UACA: variants seen among roughly 807,000 people sequenced by gnomAD.
UACA encodes the protein uveal autoantigen with coiled-coil domains and ankyrin repeats.
A neutral mutation model predicts 160.5 loss-of-function variants in UACA; 112 were observed. The ratio of observed to expected loss-of-function variants is 0.70; its 90% CI spans 0.60 to 0.82. The LOEUF is 0.82. Among genes scored for constraint, UACA ranks in the 40% least tolerant of loss-of-function variants. UACA has a pLI of 0.00. For missense variants in UACA, 1,574 were observed against 1,614.6 expected (o/e 0.97, Z 0.43); for synonymous variants, 557 against 568.4 (o/e 0.98, Z 0.29).
At chr15:70,776,681 A>G in the UACA span, among the ~76,000 whole-genome samples, 1 of 152,082 alleles carries the variant, frequency 6.6e-6, no homozygotes, top group Non-Finnish European at 1.5e-5. Context: ...CACCTGCCTC[A>G]GCCTCTCAAA....
intron 10 of UACA, among the ~76,000 whole-genome samples, chr15:70,678,551 ACT>A (rs1897368757): frequency 6.6e-6 from 1 of 152,098 alleles, no homozygotes; most frequent in Admixed American, 6.5e-5. Context: ...AATTTATGAG[ACT>A]CTTCTAATCC....
intron 15 of UACA, among the ~76,000 whole-genome samples, chr15:70,669,719 T>C (rs1337932649): frequency 6.6e-6 from 1 of 152,170 alleles, no homozygotes; most frequent in Non-Finnish European, 1.5e-5. Flanking sequence ...CAACGGACAA[T>C]GGCCATGGCT....
intron 1 of UACA, among the ~76,000 whole-genome samples, chr15:70,715,023 C>A (rs2140982662): frequency 6.6e-6 from 1 of 152,198 alleles, no homozygotes; most frequent in Non-Finnish European, 1.5e-5. Flanking sequence ...AGCTTTCAGG[C>A]TGGATAAGAT....
chr15:70,719,704 G>A (rs1164068830), intron 1 of UACA, among the ~76,000 whole-genome samples: 1 of 152,078 alleles, frequency 6.6e-6, no homozygotes, highest in Non-Finnish European at 1.5e-5. Flanking sequence ...TGACCAAGAA[G>A]AGCATATCCT....
Position 70,667,131 on chromosome 15 carries a change from C to T in UACA, c.3553G>A (p.Ala1185Thr). The T allele has an allele frequency of 6.2e-7, 1 of 1,613,528 alleles. No homozygotes were observed. Reference protein sequence around the residue: ...AFEKEVGIIKASLREKEEESQ... With the variant: ...AFEKEVGIIKTSLREKEEESQ... ...TCTTCTTCCTTTTCTCTCAAGCTGG[C>T]TTTTATGATTCCAACTTCTTTCTCA... The change falls in exon 16 of 19, where the codon GCC becomes ACC. Residue 1185 changes from alanine to threonine, a missense_variant. Coordinates refer to ENST00000322954, the MANE Select transcript of UACA (RefSeq NM_018003.4).
At position 70,738,385 on chromosome 15, in the gene UACA, T is replaced by C. The variant is rs552159356; in HGVS notation, c.78+24945A>G. Among the ~76,000 whole-genome samples the C allele has an allele frequency of 5.3e-5, 8 of 152,104 alleles. No homozygotes were observed. In the South Asian group the frequency reaches 1.5e-3, roughly 28 times the overall value. On this transcript the variant is annotated intron_variant, in intron 1 of 18. Transcript: ENST00000322954. Reference sequence around the variant, plus strand: ...TGTTTTAAAACCCTCCAGTAGTCAGTATTCTTGCCATAAATGTTTAACCTA... The same window carrying C: ...TGTTTTAAAACCCTCCAGTAGTCAGCATTCTTGCCATAAATGTTTAACCTA...
chr15:70,682,675 T>C (rs1005107384), intron 9 of UACA, 83 bp downstream of exon 9: 1 of 797,306 alleles, frequency 1.3e-6, no homozygotes. Context: ...CTCAGAATAG[T>C]TATGCTAACT....
chr15:70,679,835 T>C, intron 9 of UACA, 159 bp from the exon 10 acceptor site: 1 of 425,548 alleles, frequency 2.3e-6, no homozygotes, highest in Non-Finnish European at 4.1e-6. Flanking sequence ...AACTCCAAAA[T>C]GGAAAGGACC....
rs962317062 is a variant in UACA, at chr15:70,703,322, A to G, written c.79-3662T>C. The G allele has an allele frequency of 2.4e-6, 3 of 1,262,490 alleles. No individual in the cohort carries two copies. The African/African-American group carries it at 4.6e-5, about 19-fold the overall frequency. The allele number at this position is 1,262,490 out of a possible 1,614,324, so 78.2% of individuals were successfully genotyped here. On this transcript the variant is annotated intron_variant, in intron 1 of 18. Coordinates refer to ENST00000322954, the MANE Select transcript of UACA (RefSeq NM_018003.4). The stretch of plus-strand genomic sequence containing the variant: ...ACACAAGTGTTTACAGGAAGGAAGT[A>G]GCTGCTATATTATAGATCATGCTGC...
At chr15:70,703,588 C>A (rs1227600710) in intron 1 of UACA, among the ~76,000 whole-genome samples, 1 of 152,186 alleles carries the variant, frequency 6.6e-6, no homozygotes, top group African/African-American at 2.4e-5. Flanking sequence ...GAACTCAGAC[C>A]TTGTCCTTTG....
intron 11 of UACA, 47 bp downstream of exon 11, chr15:70,678,052 T>C (rs966277979): frequency 2.2e-6 from 3 of 1,343,998 alleles, no homozygotes; most frequent in Non-Finnish European, 3.1e-6. Context: ...CAATTTGCTA[T>C]TGATATAGTA....
intron 17 of UACA, 82 bp from the exon 18 acceptor site, chr15:70,660,298 C>A: frequency 2.6e-6 from 3 of 1,160,400 alleles, no homozygotes; most frequent in Non-Finnish European, 3.8e-6. Context: ...CTTCATGCTA[C>A]AAAACTATTA....
chr15:70,687,551 G>A lies in UACA; in HGVS notation c.591C>T (p.Asp197=), dbSNP rs138672950. Residue 197 remains aspartate (D), a synonymous_variant, in exon 7 of 19, where the codon GAC becomes GAT. Transcript: ENST00000322954. Reference sequence around the variant, plus strand: ...GATAAAAGAATTACCTGTTTTGTTTGTCTCTGGAATTAACATCCGCTCCTC... The same window carrying A: ...GATAAAAGAATTACCTGTTTTGTTTATCTCTGGAATTAACATCCGCTCCTC... ...IDRGADVNSR[D]KQNRTALMLG... 1.7e-3 allele frequency: 2,700 copies of A among 1,613,770 alleles called. 6 individuals are homozygous for A. Among genetic ancestry groups the A allele is most frequent in the Non-Finnish European group, 2.1e-3 (2,501 of 1,179,736 alleles).
In UACA at chr15:70,676,555, T is replaced by C; in HGVS notation, c.1069A>G (p.Lys357Glu). 1 of 1,612,906 alleles carries C rather than the reference T, an allele frequency of 6.2e-7. No individual in the cohort carries two copies. Among genetic ancestry groups the C allele is most frequent in the South Asian group, 1.1e-5 (1 of 91,044 alleles). Residue 357 changes from lysine to glutamate, a missense_variant, in exon 13 of 19, where the codon AAG becomes GAG. Lys to Glu is a moderately conservative substitution (Grantham distance 56). Coordinates refer to ENST00000322954, the MANE Select transcript of UACA (RefSeq NM_018003.4). ...GTCCTTAAGCTTTCTTCATGTTGCT[T>C]TTCTTTAGCTGCCAAAAGGGACTTC... Reference protein sequence around the residue: ...KLKSLLAAKEKQHEESLRTIE... With the variant: ...KLKSLLAAKEEQHEESLRTIE...
At chr15:70,699,502 T>C (rs1262915891) in intron 2 of UACA, 25 bp downstream of exon 2, 2 of 1,605,532 alleles carry the variant, frequency 1.2e-6, no homozygotes, top group Non-Finnish European at 8.5e-7. Context: ...CCTTCAGACA[T>C]GCTTTTATCA....
chr15:70,721,702 T>C (rs1898999543), intron 1 of UACA, among the ~76,000 whole-genome samples: 1 of 151,942 alleles, frequency 6.6e-6, no homozygotes, highest in Non-Finnish European at 1.5e-5. Flanking sequence ...TCCTCAACTA[T>C]AATCAACACA....
intron 1 of UACA, among the ~76,000 whole-genome samples, chr15:70,712,414 C>T (rs1894844282): frequency 6.6e-6 from 1 of 152,118 alleles, no homozygotes; most frequent in South Asian, 2.1e-4. Flanking sequence ...GGTTTGTTCT[C>T]GTTCATTCTA....
At chr15:70,695,131 T>C (rs1209397103) in intron 2 of UACA, 26 bp from the exon 3 acceptor site, 7 of 1,544,412 alleles carry the variant, frequency 4.5e-6, no homozygotes, top group Non-Finnish European at 6.1e-6. Context: ...ATATTTGTTG[T>C]GCTAAGGAAA....
At chr15:70,738,731 CA>C (rs556132801) in intron 1 of UACA, among the ~76,000 whole-genome samples, 3 of 151,682 alleles carry the variant, frequency 2.0e-5, no homozygotes, top group Non-Finnish European at 4.4e-5. Flanking sequence ...AACATTCATC[CA>C]AAAAAAAGTA....
Sources: allele counts gnomAD v4.1 joint callset (sites outside exome capture counted in the v4.1 genomes callset), GRCh38; gene constraint gnomAD v4.1.1; transcripts MANE v1.5; gene names NCBI Gene and HGNC (gene_info 2026-07-23, HGNC 2026-07-21).